CAP2: variants seen among roughly 807,000 people sequenced by gnomAD.
CAP2 encodes the protein adenylyl cyclase-associated protein 2.
Under a neutral mutation model 57.7 loss-of-function variants are expected in CAP2, and 24 were observed. The observed-to-expected ratio is 0.42, with a 90% confidence interval of 0.30 to 0.58. The LOEUF is 0.58. Among genes scored for constraint, CAP2 ranks in the 20% least tolerant of loss-of-function variants. The probability of loss-of-function intolerance (pLI) is 0.22; values close to 1 mark genes in which losing one functional copy is unlikely to be tolerated. For missense variants in CAP2, 501 were observed against 590.3 expected (o/e 0.85, Z 1.57); for synonymous variants, 194 against 207.2 (o/e 0.94, Z 0.55).
chr6:17,410,128 T>C (rs563231578), intron 1 of CAP2, among the ~76,000 whole-genome samples: 1 of 152,226 alleles, frequency 6.6e-6, no homozygotes, highest in Non-Finnish European at 1.5e-5. Flanking sequence ...CTTTGAGACT[T>C]AATTTGGTTC....
At chr6:17,446,105 A>G (rs1760251011) in intron 3 of CAP2, among the ~76,000 whole-genome samples, 1 of 152,196 alleles carries the variant, frequency 6.6e-6, no homozygotes, top group Non-Finnish European at 1.5e-5. Flanking sequence ...TCAGTCTGTG[A>G]TAGATGAGAC....
chr6:17,554,458 A>G (rs1452495282), intron 12 of CAP2, among the ~76,000 whole-genome samples: 2 of 152,018 alleles, frequency 1.3e-5, no homozygotes, highest in Non-Finnish European at 2.9e-5. Context: ...GGGTCTCGCT[A>G]TGTTGCCCAG....
chr6:17,405,899 C>A (rs908035127), intron 1 of CAP2, among the ~76,000 whole-genome samples: 2 of 152,032 alleles, frequency 1.3e-5, no homozygotes, highest in African/African-American at 2.4e-5. Context: ...GGCCACCACA[C>A]TCAGCTAATT....
intron 6 of CAP2, among the ~76,000 whole-genome samples, chr6:17,511,915 G>A (rs1762164106): frequency 6.6e-6 from 1 of 151,922 alleles, no homozygotes; most frequent in Non-Finnish European, 1.5e-5. Context: ...GTGTATTTGG[G>A]TCCTGCTCAA....
intron 3 of CAP2, among the ~76,000 whole-genome samples, chr6:17,450,407 G>C (rs1221567050): frequency 6.6e-6 from 1 of 152,154 alleles, no homozygotes; most frequent in African/African-American, 2.4e-5. Context: ...TTGCCTCTTT[G>C]GGGTTGGATA....
chr6:17,408,872 T>A (rs904193358), intron 1 of CAP2, among the ~76,000 whole-genome samples: 1 of 149,722 alleles, frequency 6.7e-6, no homozygotes, highest in Admixed American at 6.7e-5. Flanking sequence ...GGTTTCACCA[T>A]GTTAGCCAGG....
At chr6:17,546,512 G>T (rs940925147) in intron 11 of CAP2, among the ~76,000 whole-genome samples, 5 of 152,118 alleles carry the variant, frequency 3.3e-5, no homozygotes, top group African/African-American at 1.2e-4. Context: ...CGCTCTGATG[G>T]TAGTTTCTTT....
At chr6:17,491,173 C>T (rs1029233127) in intron 4 of CAP2, among the ~76,000 whole-genome samples, 47 of 152,052 alleles carry the variant, frequency 3.1e-4, no homozygotes, top group African/African-American at 8.9e-4. Flanking sequence ...TGTCCCCCAA[C>T]GCCCCCGAGA....
At chr6:17,544,172 A>G (rs1464050206) in intron 11 of CAP2, among the ~76,000 whole-genome samples, 2 of 151,934 alleles carry the variant, frequency 1.3e-5, no homozygotes, top group Non-Finnish European at 2.9e-5. Context: ...TAATCTTTAT[A>G]GCCCCAGAAA....
intron 4 of CAP2, among the ~76,000 whole-genome samples, chr6:17,494,393 C>G (rs1399055387): frequency 6.6e-6 from 1 of 152,134 alleles, no homozygotes; most frequent in East Asian, 1.9e-4. Context: ...TCCTTAAACA[C>G]TGGAGGCACA....
intron 3 of CAP2, among the ~76,000 whole-genome samples, chr6:17,462,791 T>C (rs749459563): frequency 6.6e-6 from 1 of 152,252 alleles, no homozygotes; most frequent in Non-Finnish European, 1.5e-5. Context: ...TTTTGTTTAT[T>C]GGTTCATGAG....
intron 7 of CAP2, among the ~76,000 whole-genome samples, chr6:17,526,247 G>A (rs974442567): frequency 6.6e-6 from 1 of 151,698 alleles, no homozygotes; most frequent in Non-Finnish European, 1.5e-5. Context: ...CCTCAAGAGC[G>A]GCTGGGATTA....
chr6:17,521,150 C>T (rs924059276), intron 7 of CAP2, among the ~76,000 whole-genome samples: 18 of 152,164 alleles, frequency 1.2e-4, no homozygotes, highest in Non-Finnish European at 2.1e-4. Context: ...CGCAGTGGCT[C>T]ATGCCTGTAA....
chr6:17,441,044 T>C (rs1299435786), intron 3 of CAP2, among the ~76,000 whole-genome samples: 1 of 151,672 alleles, frequency 6.6e-6, no homozygotes, highest in East Asian at 1.9e-4. Context: ...TGTCTCCCAT[T>C]TTTAAGCAAG....
chr6:17,409,373 A>G (rs747177020), intron 1 of CAP2, among the ~76,000 whole-genome samples: 2 of 151,252 alleles, frequency 1.3e-5, no homozygotes, highest in Non-Finnish European at 2.9e-5. Flanking sequence ...CTCTGTCTCA[A>G]AAAAAAAGGA....
Position 17,513,900 on chromosome 6 carries a change from A to G in CAP2, c.582A>G (p.Glu194=), listed in dbSNP as rs781372250. Residue 194 remains glutamate, a synonymous_variant, in exon 7 of 13, where the codon GAA becomes GAG. Transcript: ENST00000229922. The surrounding 1 kb of genome is among the most constrained non-coding windows in gnomAD (Gnocchi z 4.3). ...AGTCATATTTGAACATTTGGAGTGA[A>G]CTTCAAGCATACATCAAGGAACACC... ...WVKSYLNIWS[E]LQAYIKEHHT... is the part of the protein sequence containing the mutation. 5 of 1,613,804 alleles carry G rather than the reference A, an allele frequency of 3.1e-6. No homozygotes were observed. Among genetic ancestry groups the G allele is most frequent in the African/African-American group, 2.7e-5 (2 of 74,890 alleles).
In CAP2 at chr6:17,476,602, G is replaced by A. The variant is rs1041642236; in HGVS notation, c.300+13529G>A. Among the ~76,000 whole-genome samples the A allele has an allele frequency of 3.3e-5, 5 of 152,180 alleles. No individual in the cohort carries two copies. The East Asian group carries it at 9.6e-4, about 29-fold the overall frequency. ...GCATTCTGAGGCTGTACCCAGGAGT[G>A]CACTGGGGAGGGCTCCCTTGGCACT... On this transcript the variant is annotated intron_variant, in intron 4 of 12. Coordinates refer to ENST00000229922, the MANE Select transcript of CAP2 (RefSeq NM_006366.3).
At chr6:17,433,721 T>C (rs547666464) in intron 3 of CAP2, among the ~76,000 whole-genome samples, 8 of 152,350 alleles carry the variant, frequency 5.3e-5, no homozygotes, top group Middle Eastern at 3.4e-3. Flanking sequence ...TCTGTTACCG[T>C]GTCTTCCCAA....
In CAP2 at chr6:17,399,206, G is replaced by C. The variant is rs750441110; in HGVS notation, c.-2+5460G>C. Among the ~76,000 whole-genome samples, 10 of 152,266 alleles carry C rather than the reference G, an allele frequency of 6.6e-5. No individual in the cohort carries two copies. In the South Asian group the frequency reaches 2.1e-3, roughly 32 times the overall value. ...AGCCTTCCCAGTGCTGGGATTACAG[G>C]CGCTTGCCACCCCACCCAGCTAATT... is the stretch of plus-strand genomic sequence containing the variant. On this transcript the variant is annotated intron_variant, in intron 1 of 12. Transcript: ENST00000229922.
Sources: allele counts gnomAD v4.1 joint callset (sites outside exome capture counted in the v4.1 genomes callset), GRCh38; gene constraint gnomAD v4.1.1; non-coding constraint Gnocchi (gnomAD v3.1); transcripts MANE v1.5; gene names NCBI Gene and HGNC (gene_info 2026-07-23, HGNC 2026-07-21).